Variants in SPRED1 observed in about 807,000 individuals in gnomAD.
SPRED1 encodes the protein sprouty-related, EVH1 domain-containing protein 1.
A neutral mutation model predicts 52.3 loss-of-function variants in SPRED1; 18 were observed. The ratio of observed to expected loss-of-function variants is 0.34; its 90% CI spans 0.24 to 0.51. The LOEUF is 0.51. SPRED1 is among the 20% of genes least tolerant of loss of function. The pLI is 0.97. For synonymous variants in SPRED1, 155 were observed against 179.7 expected (o/e 0.86, Z 1.10); for missense variants, 485 against 551.0 (o/e 0.88, Z 1.20).
intron 2 of SPRED1, among the ~76,000 whole-genome samples, chr15:38,320,648 A>G (rs762503509): frequency 1.3e-5 from 2 of 152,114 alleles, no homozygotes; most frequent in African/African-American, 2.4e-5. Flanking sequence ...TGAAAATACA[A>G]CCTTTCACCA....
At chr15:38,328,241 A>G (rs1313574541) in intron 4 of SPRED1, among the ~76,000 whole-genome samples, 3 of 152,346 alleles carry the variant, frequency 2.0e-5, no homozygotes, top group Non-Finnish European at 4.4e-5. Context: ...TTTTAACAGT[A>G]AAAGTAATGA....
intron 1 of SPRED1, among the ~76,000 whole-genome samples, chr15:38,254,219 G>C (rs1448606821): frequency 6.6e-6 from 1 of 152,156 alleles, no homozygotes; most frequent in African/African-American, 2.4e-5. Context: ...TTAGGACTTA[G>C]TCATTTGGAT....
chr15:38,321,321 A>G (rs368119145), intron 2 of SPRED1, among the ~76,000 whole-genome samples: 1 of 152,268 alleles, frequency 6.6e-6, no homozygotes, highest in African/African-American at 2.4e-5. Flanking sequence ...TCAAAATAAA[A>G]AATTTAAAAA....
chr15:38,316,748 G>GGTTTTTTTTTTTTTTTTTTTT, intron 2 of SPRED1, among the ~76,000 whole-genome samples: 9 of 41,910 alleles, frequency 2.1e-4, no homozygotes, highest in Admixed American at 2.9e-4. Flanking sequence ...TCCATTATAT[G>GGTTTTTTTTTTTTTTTTTTTT]TTTTTTTTTT....
intron 2 of SPRED1, among the ~76,000 whole-genome samples, chr15:38,302,520 C>T (rs1895166788): frequency 6.6e-6 from 1 of 152,102 alleles, no homozygotes; most frequent in Admixed American, 6.5e-5. Context: ...TTCACTCATT[C>T]AGTGATCCTA....
intron 5 of SPRED1, among the ~76,000 whole-genome samples, chr15:38,347,293 T>C (rs1272889758): frequency 1.3e-5 from 2 of 152,104 alleles, no homozygotes; most frequent in Non-Finnish European, 2.9e-5. Context: ...CGCACTGATA[T>C]GCAGTACCAT....
rs1888507696 is a variant in SPRED1, at chr15:38,352,277, A to T, written c.*613A>T. 1 of 152,296 alleles carries T rather than the reference A, an allele frequency of 6.6e-6. No homozygotes were observed. Among genetic ancestry groups the T allele is most frequent in the Non-Finnish European group, 1.5e-5 (1 of 67,982 alleles). The allele number at this position is 152,296 out of a possible 1,614,324, so 9.4% of individuals were successfully genotyped here. A position where few individuals can be genotyped will look rare whatever the true frequency, so the allele number is the denominator to read the frequency against. ...ATATATATCTACTGTCACATTCCATATATTTTGAATATTTAACTCATCTAG... is the reference window on the plus strand; with the variant it reads ...ATATATATCTACTGTCACATTCCATTTATTTTGAATATTTAACTCATCTAG... On this transcript the variant is annotated 3_prime_UTR_variant, in exon 7 of 7. Transcript: ENST00000299084.
intron 2 of SPRED1, among the ~76,000 whole-genome samples, chr15:38,313,414 C>T (rs903348944): frequency 1.3e-5 from 2 of 151,872 alleles, no homozygotes; most frequent in Non-Finnish European, 2.9e-5. Context: ...TCTAATGTTT[C>T]CCCATGATTA....
intron 1 of SPRED1, among the ~76,000 whole-genome samples, chr15:38,280,667 C>T (rs574155201): frequency 3.4e-4 from 51 of 152,222 alleles, no homozygotes; most frequent in African/African-American, 1.2e-3. Context: ...AGATAGTAAG[C>T]GTATATGTGG....
chr15:38,272,059 G>C (rs758204922), intron 1 of SPRED1, among the ~76,000 whole-genome samples: 8 of 152,036 alleles, frequency 5.3e-5, no homozygotes, highest in Non-Finnish European at 1.2e-4. Context: ...AGCTGCATAC[G>C]TGTTGCTGCA....
intron 5 of SPRED1, among the ~76,000 whole-genome samples, chr15:38,344,375 T>G (rs1464998996): frequency 6.6e-6 from 1 of 152,154 alleles, no homozygotes; most frequent in Non-Finnish European, 1.5e-5. Flanking sequence ...CTGAAAGAAC[T>G]GTAAATTTAA....
At chr15:38,312,139 G>C (rs942237244) in intron 2 of SPRED1, among the ~76,000 whole-genome samples, 1 of 151,982 alleles carries the variant, frequency 6.6e-6, no homozygotes, top group African/African-American at 2.4e-5. Context: ...ATCTCCAACT[G>C]TCATGTTTTT....
intron 2 of SPRED1, among the ~76,000 whole-genome samples, chr15:38,305,603 T>C (rs551106782): frequency 2.4e-4 from 34 of 144,142 alleles, no homozygotes; most frequent in African/African-American, 7.3e-4. Flanking sequence ...GGGAAGTTTT[T>C]TGCTGGGTGT....
rs1451167547 is a variant in SPRED1 at position 38,351,693 on chromosome 15, A to G, written c.*29A>G. On this transcript the variant is annotated 3_prime_UTR_variant, in exon 7 of 7. Coordinates refer to ENST00000299084, the MANE Select transcript of SPRED1 (RefSeq NM_152594.3). ...GGTCCAGTGCCAAAATGAGCTTAAA[A>G]TCTTTGTTTCCAGGAATTAGCTAAC... 3.1e-6 allele frequency: 5 copies of G among 1,606,244 alleles called. No homozygotes were observed. The highest frequency in any genetic ancestry group is 4.2e-6 in the Non-Finnish European group (5 of 1,179,698).
At chr15:38,348,629 T>C (rs1314340886) in intron 5 of SPRED1, among the ~76,000 whole-genome samples, 2 of 152,132 alleles carry the variant, frequency 1.3e-5, no homozygotes, top group Non-Finnish European at 2.9e-5. Flanking sequence ...TTATTAAGTA[T>C]GTAACAGTAG....
chr15:38,317,283 CTTAGAA>C (rs1895508017), intron 2 of SPRED1, among the ~76,000 whole-genome samples: 1 of 151,788 alleles, frequency 6.6e-6, no homozygotes, highest in African/African-American at 2.4e-5. Flanking sequence ...CTTAACAAGA[CTTAGAA>C]TTATTTATTT....
chr15:38,287,575 G>A (rs1894836307), intron 1 of SPRED1, among the ~76,000 whole-genome samples: 1 of 151,890 alleles, frequency 6.6e-6, no homozygotes, highest in East Asian at 1.9e-4. Flanking sequence ...TTCTTGTCTG[G>A]TGGCCTTTGC....
intron 1 of SPRED1, among the ~76,000 whole-genome samples, chr15:38,287,728 A>G (rs781655390): frequency 1.3e-5 from 2 of 152,214 alleles, no homozygotes; most frequent in Admixed American, 6.5e-5. Context: ...CTGTTTACAG[A>G]TGATTTAAAG....
intron 2 of SPRED1, among the ~76,000 whole-genome samples, chr15:38,314,770 C>G (rs1391811340): frequency 1.3e-5 from 2 of 151,810 alleles, no homozygotes; most frequent in Admixed American, 1.3e-4. Context: ...TTTAGTCATA[C>G]AAAAATAATG....
Sources: gnomAD v4.1 joint callset for allele counts (sites outside exome capture counted in the v4.1 genomes callset) on GRCh38, gnomAD v4.1.1 for gene constraint, MANE v1.5 for transcripts, NCBI Gene and HGNC (gene_info 2026-07-23, HGNC 2026-07-21) for gene names.